The following PARP15 variants were observed in gnomAD, a reference collection of about 807,000 sequenced individuals.
The protein encoded by PARP15 is protein mono-ADP-ribosyltransferase PARP15.
A neutral mutation model predicts 62.1 loss-of-function variants in PARP15; 50 were observed. That is an observed-to-expected ratio of 0.81 (90% CI 0.64 to 1.02). The LOEUF (loss-of-function observed/expected upper bound fraction) is 1.02. PARP15 is among the 50% of genes least tolerant of loss of function. PARP15 has a pLI of 0.00. For missense variants in PARP15, 820 were observed against 826.5 expected (o/e 0.99, Z 0.10); for synonymous variants, 309 against 293.1 (o/e 1.05, Z -0.55).
chr3:122,598,396 G>A (rs1934521462), intron 1 of PARP15, among the ~76,000 whole-genome samples: 2 of 152,114 alleles, frequency 1.3e-5, no homozygotes, highest in African/African-American at 4.8e-5. Context: ...GTTGGTTGGG[G>A]CTGCAGTCAT....
rs771016755 is a variant in PARP15 at position 122,613,084 on chromosome 3, T to C, written c.587T>C (p.Val196Ala). Residue 196 changes from valine (V) to alanine (A), a missense_variant, in exon 4 of 12, where the codon GTG (valine) becomes GCG (alanine). Coordinates refer to ENST00000464300, the MANE Select transcript of PARP15 (RefSeq NM_001113523.3). ...IIKKCLTTVE[V>A]LSFSSITFPM... is the part of the protein sequence containing the mutation. ...AAGAAATGTTTGACAACTGTAGAAG[T>C]GCTATCTTTCTCATCAATCACATTT... 1.3e-6 allele frequency: 2 copies of C among 1,551,808 alleles called. No individual in the cohort carries two copies. The highest frequency in any genetic ancestry group is 2.7e-5 in the African/African-American group (2 of 73,068).
At chr3:122,635,429 T>C (rs184027513) in intron 11 of PARP15, among the ~76,000 whole-genome samples, 2 of 152,054 alleles carry the variant, frequency 1.3e-5, no homozygotes, top group East Asian at 3.9e-4. Flanking sequence ...CTTTTTTTTT[T>C]AGACGGTCTC....
Position 122,610,701 on chromosome 3 carries a change from T to A in PARP15, c.514T>A (p.Trp172Arg), listed in dbSNP as rs1326917586. ...TGTGCTCCATGCTGTGGCTCCATACTGGAATAATGGAGCAGAGACTTCTTG... is the reference window on the plus strand; with the variant it reads ...TGTGCTCCATGCTGTGGCTCCATACAGGAATAATGGAGCAGAGACTTCTTG... ...KAVLHAVAPY[W>R]NNGAETSWQI... is the part of the protein sequence containing the mutation. The change falls in exon 3 of 12, where the codon TGG (tryptophan) becomes AGG (arginine). Residue 172 changes from tryptophan to arginine, a missense_variant. By Grantham distance (101) the Trp-to-Arg change is moderately radical. Around this residue, in one of 3 missense-constraint regions of PARP15, gnomAD observed 731 missense variants for 727.7 expected, o/e 1.00. Transcript: ENST00000464300. The A allele has an allele frequency of 6.5e-7, 1 of 1,534,856 alleles. No homozygotes were observed. The highest frequency in any genetic ancestry group is 8.8e-7 in the Non-Finnish European group (1 of 1,139,148).
rs746815603 is a variant in PARP15 at position 122,621,458 on chromosome 3, A to G, written c.1078A>G (p.Arg360Gly). 6.2e-7 allele frequency: 1 copy of G among 1,611,574 alleles called. No individual in the cohort carries two copies. Among genetic ancestry groups the G allele is most frequent in the Non-Finnish European group, 8.5e-7 (1 of 1,179,194 alleles). ...ECAVLAAQPH[R>G]DFIITPGGCL... ...CTTTTTTTCAGCTGCACAGCCTCAC[A>G]GAGATTTTATAATTACACCAGGTGG... Residue 360 changes from arginine (R) to glycine (G), a missense_variant, in exon 8 of 12, where the codon AGA (arginine) becomes GGA (glycine). This residue lies in a region of PARP15 where 731 missense variants were observed against 727.7 expected (regional missense o/e 1.00). Coordinates refer to ENST00000464300, the MANE Select transcript of PARP15 (RefSeq NM_001113523.3).
rs1363910704 is a variant in PARP15, at chr3:122,605,955, G to A, written c.206G>A (p.Ser69Asn). The change falls in exon 2 of 12, where the codon AGC becomes AAC. Residue 69 changes from serine to asparagine, a missense_variant. Coordinates refer to ENST00000464300, the MANE Select transcript of PARP15 (RefSeq NM_001113523.3). ...SRSMSRDNKF[S>N]KKDCLSIRNV... Reference sequence around the variant, plus strand: ...CCACAGTCCAGAGACAACAAGTTCAGCAAGAAAGATTGTCTTTCAATCAGG... The same window carrying A: ...CCACAGTCCAGAGACAACAAGTTCAACAAGAAAGATTGTCTTTCAATCAGG... The A allele has an allele frequency of 6.4e-7, 1 of 1,551,432 alleles. No homozygotes were observed. Among genetic ancestry groups the A allele is most frequent in the African/African-American group, 1.4e-5 (1 of 73,022 alleles).
intron 2 of PARP15, among the ~76,000 whole-genome samples, chr3:122,608,201 T>C (rs1576510641): frequency 6.7e-6 from 1 of 150,026 alleles, no homozygotes; most frequent in African/African-American, 2.5e-5. Context: ...TTTCTTTTTT[T>C]CTTTCTCTTT....
Position 122,621,489 on chromosome 3 carries a change from T to C in PARP15, c.1109T>C (p.Leu370Ser). The C allele has an allele frequency of 6.2e-7, 1 of 1,613,918 alleles. No individual in the cohort carries two copies. The highest frequency in any genetic ancestry group is 8.5e-7 in the Non-Finnish European group (1 of 1,179,916). ...TTTATAATTACACCAGGTGGATGCT[T>C]AAAGTGCAAAATAATAATTCATGTT... ...RDFIITPGGC[L>S]KCKIIIHVPG... Residue 370 changes from leucine (L) to serine (S), a missense_variant, in exon 8 of 12, where the codon TTA becomes TCA. By Grantham distance (145) the Leu-to-Ser change is moderately radical (BLOSUM62 -2). This residue lies in a region of PARP15 where 731 missense variants were observed against 727.7 expected (regional missense o/e 1.00). Transcript: ENST00000464300.
chr3:122,587,288 TG>T (rs145149808), intron 1 of PARP15, among the ~76,000 whole-genome samples: 1,588 of 152,360 alleles, frequency 0.01, 26 homozygotes, highest in African/African-American at 0.035. Flanking sequence ...GGGCAAAAGT[TG>T]TCAAGTCATT....
At chr3:122,618,920 T>C (rs1462774349) in intron 6 of PARP15, among the ~76,000 whole-genome samples, 1 of 152,134 alleles carries the variant, frequency 6.6e-6, no homozygotes, top group Non-Finnish European at 1.5e-5. Flanking sequence ...CTGGTGAAGA[T>C]CACTTGACAT....
intron 1 of PARP15, among the ~76,000 whole-genome samples, chr3:122,592,272 A>C (rs1275161842): frequency 6.6e-6 from 1 of 152,228 alleles, no homozygotes; most frequent in Non-Finnish European, 1.5e-5. Flanking sequence ...AAAAAGGATG[A>C]GATCATGTCC....
chr3:122,615,360 C>T, intron 4 of PARP15: 2 of 1,293,946 alleles, frequency 1.5e-6, no homozygotes, highest in Non-Finnish European at 2.0e-6. Context: ...ATGTACCTAA[C>T]AGCCAAAGAT....
intron 1 of PARP15, among the ~76,000 whole-genome samples, chr3:122,602,744 G>GA (rs11391641): frequency 0.23 from 35,741 of 152,108 alleles, 8,930 homozygotes; most frequent in African/African-American, 0.63. Context: ...ACTTTTTCAG[G>GA]AAAGAATTAC....
Position 122,636,060 on chromosome 3 carries a change from A to T in PARP15, c.1997A>T (p.Asn666Ile). 1 of 1,613,982 alleles carries T rather than the reference A, an allele frequency of 6.2e-7. No homozygotes were observed. The highest frequency in any genetic ancestry group is 2.2e-5 in the East Asian group (1 of 44,886). The change falls in exon 12 of 12, where the codon AAT (asparagine) becomes ATT (isoleucine). Residue 666 changes from asparagine to isoleucine, a missense_variant. Asn to Ile is a moderately radical substitution (Grantham distance 149). Around this residue, in one of 3 missense-constraint regions of PARP15, gnomAD observed 84 missense variants for 79.7 expected, o/e 1.05. Transcript: ENST00000464300. ...SPKLFVVFFD[N>I]QAYPEYLITF... Reference sequence around the variant, plus strand: ...AAGCTATTTGTGGTATTCTTTGATAATCAGGCTTACCCAGAATATCTCATA... The same window carrying T: ...AAGCTATTTGTGGTATTCTTTGATATTCAGGCTTACCCAGAATATCTCATA...
chr3:122,587,946 T>G (rs1933574608), intron 1 of PARP15, among the ~76,000 whole-genome samples: 1 of 152,202 alleles, frequency 6.6e-6, no homozygotes. Context: ...ATTTTAAAAT[T>G]TGGTGTTTTT....
intron 1 of PARP15, among the ~76,000 whole-genome samples, chr3:122,589,109 T>C (rs1335254501): frequency 6.6e-6 from 1 of 152,198 alleles, no homozygotes; most frequent in East Asian, 1.9e-4. Flanking sequence ...TGAACTTTTT[T>C]TCTCATAGTC....
At chr3:122,590,416 G>A (rs1359197328) in intron 1 of PARP15, among the ~76,000 whole-genome samples, 1 of 151,864 alleles carries the variant, frequency 6.6e-6, no homozygotes, top group African/African-American at 2.4e-5. Context: ...GGGACTACAG[G>A]CACCCAGCAC....
intron 1 of PARP15, among the ~76,000 whole-genome samples, chr3:122,596,465 T>C (rs1485306830): frequency 1.3e-5 from 2 of 151,112 alleles, no homozygotes; most frequent in African/African-American, 4.9e-5. Context: ...GCCTTTCCCA[T>C]GTCAGCGGAT....
intron 3 of PARP15, 56 bp from the exon 4 acceptor site, chr3:122,612,985 T>A: frequency 6.9e-7 from 1 of 1,442,446 alleles, no homozygotes. Context: ...CACAACTCTT[T>A]CTGTTTTCCG....
rs771581231 is a variant in PARP15, at chr3:122,601,036, GT to G, written c.187-4877del. On this transcript the variant is annotated intron_variant, in intron 1 of 11. Coordinates refer to ENST00000464300, the MANE Select transcript of PARP15 (RefSeq NM_001113523.3). ...CATTGGTTTTTGTTTGTCTTTTATGGTTTTTTTTTTTTTTTTTTTTTTTGAG... is the reference window on the plus strand; with the variant it reads ...CATTGGTTTTTGTTTGTCTTTTATGGTTTTTTTTTTTTTTTTTTTTTTGAG... Among the ~76,000 whole-genome samples, 307 of 73,022 alleles carry G rather than the reference GT, an allele frequency of 4.2e-3. 1 individual carries two copies. Among genetic ancestry groups the G allele is most frequent in the African/African-American group, 0.013 (163 of 12,158 alleles). The allele number at this position is 73,022 out of a possible 152,430, so 47.9% of individuals were successfully genotyped here. A position where few individuals can be genotyped will look rare whatever the true frequency, so the allele number is the denominator to read the frequency against.
Sources: allele counts gnomAD v4.1 joint callset (sites outside exome capture counted in the v4.1 genomes callset), GRCh38; gene constraint gnomAD v4.1.1; regional missense constraint gnomAD v4.1.1; transcripts MANE v1.5; gene names NCBI Gene and HGNC (gene_info 2026-07-23, HGNC 2026-07-21).